The following ADARB2 variants were observed in gnomAD, a reference collection of about 807,000 sequenced individuals.
ADARB2 encodes the protein adenosine deaminase RNA specific B2 (inactive).
In ADARB2, 25 loss-of-function variants were observed where a neutral mutation model predicts 62.2. The ratio of observed to expected loss-of-function variants is 0.40; its 90% CI spans 0.29 to 0.56. The LOEUF is 0.56. ADARB2 is among the 20% of genes least tolerant of loss of function. The probability of loss-of-function intolerance (pLI) is 0.43; values close to 1 mark genes in which losing one functional copy is unlikely to be tolerated. For missense variants in ADARB2, 1,071 were observed against 1,077.4 expected (o/e 0.99, Z 0.08); for synonymous variants, 572 against 500.8 (o/e 1.14, Z -1.90).
chr10:1,461,605 G>T (rs918785465), intron 1 of ADARB2, among the ~76,000 whole-genome samples: 3 of 151,974 alleles, frequency 2.0e-5, no homozygotes, highest in Admixed American at 2.0e-4. Flanking sequence ...GCATTACCTG[G>T]CCTCTGGTAG....
At chr10:1,672,754 C>A (rs1834407961) in intron 1 of ADARB2, among the ~76,000 whole-genome samples, 1 of 152,142 alleles carries the variant, frequency 6.6e-6, no homozygotes, top group South Asian at 2.1e-4. Context: ...TCCCTCCCTC[C>A]ACGCACACAC....
chr10:1,469,663 GAA>G (rs1467287026), intron 1 of ADARB2, among the ~76,000 whole-genome samples: 2 of 152,302 alleles, frequency 1.3e-5, no homozygotes, highest in Admixed American at 6.5e-5. Context: ...GAACAAAAAA[GAA>G]AACAGTGCTT....
chr10:1,594,507 G>A (rs1303800504), intron 1 of ADARB2, among the ~76,000 whole-genome samples: 1 of 152,084 alleles, frequency 6.6e-6, no homozygotes, highest in Non-Finnish European at 1.5e-5. Flanking sequence ...TTTGGCGTGG[G>A]TGTTTGCCGT....
At chr10:1,457,718 A>G (rs943001209) in intron 1 of ADARB2, among the ~76,000 whole-genome samples, 2 of 152,128 alleles carry the variant, frequency 1.3e-5, no homozygotes, top group Non-Finnish European at 1.5e-5. Context: ...GCTCACAACG[A>G]AATTCCTGGT....
intron 4 of ADARB2, among the ~76,000 whole-genome samples, chr10:1,252,976 A>C (rs183598309): frequency 1.3e-5 from 2 of 152,334 alleles, no homozygotes; most frequent in Admixed American, 1.3e-4. Flanking sequence ...GCTCTCCTCT[A>C]TGAATGACAA....
intron 1 of ADARB2, among the ~76,000 whole-genome samples, chr10:1,436,571 A>G (rs980998998): frequency 6.6e-6 from 1 of 152,222 alleles, no homozygotes; most frequent in African/African-American, 2.4e-5. Flanking sequence ...TATATTATGA[A>G]CACTTAATTT....
intron 7 of ADARB2, among the ~76,000 whole-genome samples, chr10:1,214,621 G>A (rs1837208429): frequency 6.6e-6 from 1 of 152,180 alleles, no homozygotes; most frequent in Admixed American, 6.5e-5. Context: ...TCCCAGGGAC[G>A]GCCAAGTTTC....
chr10:1,425,859 T>C (rs574258118), intron 1 of ADARB2, among the ~76,000 whole-genome samples: 1 of 152,170 alleles, frequency 6.6e-6, no homozygotes, highest in African/African-American at 2.4e-5. Flanking sequence ...TTAGCAAACA[T>C]TGACTCCTCA....
chr10:1,231,637 C>T (rs1400240527), intron 6 of ADARB2, among the ~76,000 whole-genome samples: 3 of 152,182 alleles, frequency 2.0e-5, no homozygotes, highest in Non-Finnish European at 2.9e-5. Flanking sequence ...TGAGGTTGAA[C>T]AGGCTTCCTT....
At chr10:1,657,483 C>T (rs144572570) in intron 1 of ADARB2, among the ~76,000 whole-genome samples, 4 of 152,280 alleles carry the variant, frequency 2.6e-5, no homozygotes, top group African/African-American at 7.2e-5. Flanking sequence ...TTTTGTCTTT[C>T]CTCCTCTCTT....
intron 3 of ADARB2, among the ~76,000 whole-genome samples, chr10:1,309,481 C>T (rs993630971): frequency 6.6e-6 from 1 of 152,214 alleles, no homozygotes; most frequent in Non-Finnish European, 1.5e-5. Context: ...TCTGCAAGAC[C>T]TGTGAGTGGT....
At chr10:1,724,819 C>T (rs752342181) in intron 1 of ADARB2, among the ~76,000 whole-genome samples, 1 of 152,128 alleles carries the variant, frequency 6.6e-6, no homozygotes, top group Non-Finnish European at 1.5e-5. Flanking sequence ...GCAGGGGTGT[C>T]GTAGGGAGAA....
chr10:1,244,203 G>A (rs1830955890), intron 4 of ADARB2, among the ~76,000 whole-genome samples: 1 of 152,244 alleles, frequency 6.6e-6, no homozygotes, highest in Non-Finnish European at 1.5e-5. Context: ...TCTCACTCAG[G>A]CCGTCAGTGA....
chr10:1,292,077 C>T (rs761720665), intron 3 of ADARB2: 7 of 152,400 alleles, frequency 4.6e-5, no homozygotes, highest in Non-Finnish European at 1.0e-4. Context: ...TCACCACTAT[C>T]GGCGTGCGTG....
At chr10:1,499,451 C>A (rs1831736032) in intron 1 of ADARB2, among the ~76,000 whole-genome samples, 1 of 151,892 alleles carries the variant, frequency 6.6e-6, no homozygotes, top group Non-Finnish European at 1.5e-5. Flanking sequence ...ACTAATCGCT[C>A]ACTCATTACT....
chr10:1,580,700 A>G (rs899471389), intron 1 of ADARB2, among the ~76,000 whole-genome samples: 2 of 152,010 alleles, frequency 1.3e-5, no homozygotes, highest in African/African-American at 4.8e-5. Flanking sequence ...TTGGATCCAC[A>G]TTGGAACATC....
intron 3 of ADARB2, among the ~76,000 whole-genome samples, chr10:1,342,691 G>A (rs189350512): frequency 3.3e-4 from 50 of 152,298 alleles, no homozygotes; most frequent in African/African-American, 1.1e-3. Flanking sequence ...GAAACCTACC[G>A]CCCCAATCGT....
chr10:1,550,656 T>A (rs1003846103), intron 1 of ADARB2, among the ~76,000 whole-genome samples: 1 of 152,166 alleles, frequency 6.6e-6, no homozygotes, highest in Non-Finnish European at 1.5e-5. Context: ...TGCAGTCTCA[T>A]GGCTTTGGAG....
intron 4 of ADARB2, among the ~76,000 whole-genome samples, chr10:1,267,136 T>TA (rs551410020): frequency 0.083 from 10,710 of 129,420 alleles, 1,216 homozygotes; most frequent in African/African-American, 0.26. Context: ...AAATCCAAGT[T>TA]AAAAAAAAAA....
Sources: allele counts gnomAD v4.1 joint callset (sites outside exome capture counted in the v4.1 genomes callset), GRCh38; gene constraint gnomAD v4.1.1; transcripts MANE v1.5; gene names NCBI Gene and HGNC (gene_info 2026-07-23, HGNC 2026-07-21).